Variants in SNX29 observed in about 807,000 individuals in gnomAD.
The protein encoded by SNX29 is sorting nexin 29, also known as sorting nexin-29.
SNX29 carries 78 observed loss-of-function variants against 102.1 expected under a neutral mutation model. The ratio of observed to expected loss-of-function variants is 0.76; its 90% CI spans 0.64 to 0.92. The LOEUF (loss-of-function observed/expected upper bound fraction) is 0.92. Among genes scored for constraint, SNX29 ranks in the 40% least tolerant of loss-of-function variants. The pLI is 0.00. For synonymous variants in SNX29, 580 were observed against 414.5 expected (o/e 1.40, Z -4.85); for missense variants, 1,280 against 1,061.7 (o/e 1.21, Z -2.86).
chr16:12,198,044 T>C (rs890376070), intron 13 of SNX29, among the ~76,000 whole-genome samples: 6 of 152,254 alleles, frequency 3.9e-5, no homozygotes, highest in South Asian at 2.1e-4. Flanking sequence ...CATCCGTAAA[T>C]AGACTGAGTG....
At chr16:12,307,846 G>A (rs1355038626) in intron 15 of SNX29, among the ~76,000 whole-genome samples, 2 of 152,214 alleles carry the variant, frequency 1.3e-5, no homozygotes, top group South Asian at 2.1e-4. Flanking sequence ...TCCTCTCATG[G>A]TGACGTTCAC....
chr16:12,539,824 A>G (rs546424713), intron 20 of SNX29, among the ~76,000 whole-genome samples: 11 of 152,350 alleles, frequency 7.2e-5, no homozygotes, highest in African/African-American at 2.6e-4. Flanking sequence ...TTCCTTTAAC[A>G]CATCCTCTTT....
At chr16:12,533,158 C>A (rs748686221) in intron 20 of SNX29, among the ~76,000 whole-genome samples, 1 of 152,246 alleles carries the variant, frequency 6.6e-6, no homozygotes, top group African/African-American at 2.4e-5. Context: ...CAGGCAGGGC[C>A]TCTCTCTGAA....
rs2079189878 is a variant in SNX29 at position 12,571,640 on chromosome 16, T to G, written c.*3011T>G. On this transcript the variant is annotated 3_prime_UTR_variant, in exon 21 of 21. Coordinates refer to ENST00000566228, the MANE Select transcript of SNX29 (RefSeq NM_032167.5). Reference sequence around the variant, plus strand: ...TTCACATCTTTTTTTCTCCCCCAGATGAAAGACGACTCAGGAACGGTAGGG... The same window carrying G: ...TTCACATCTTTTTTTCTCCCCCAGAGGAAAGACGACTCAGGAACGGTAGGG... 1 of 1,058,782 alleles carries G rather than the reference T, an allele frequency of 9.4e-7. No homozygotes were observed. Among genetic ancestry groups the G allele is most frequent in the African/African-American group, 1.6e-5 (1 of 60,632 alleles). The allele number at this position is 1,058,782 out of a possible 1,614,324, so 65.6% of individuals were successfully genotyped here. A position where few individuals can be genotyped will look rare whatever the true frequency, so the allele number is the denominator to read the frequency against.
chr16:12,130,094 A>G (rs556406091), intron 13 of SNX29, among the ~76,000 whole-genome samples: 7 of 150,984 alleles, frequency 4.6e-5, no homozygotes, highest in African/African-American at 1.7e-4. Flanking sequence ...ACAGAGCAAG[A>G]CTCTGTCTCA....
chr16:12,043,175 A>T, intron 5 of SNX29, 98 bp downstream of exon 5: 1 of 1,479,986 alleles, frequency 6.8e-7, no homozygotes, highest in Non-Finnish European at 9.1e-7. Context: ...TAGTTCCCCG[A>T]TCTGGGGGAA....
chr16:12,321,040 T>G (rs2080913967), intron 15 of SNX29, among the ~76,000 whole-genome samples: 1 of 152,128 alleles, frequency 6.6e-6, no homozygotes, highest in Non-Finnish European at 1.5e-5. Context: ...ATCCTCACCC[T>G]CCTCATCTAG....
At chr16:12,373,302 C>G (rs1028574127) in intron 16 of SNX29, among the ~76,000 whole-genome samples, 1 of 152,038 alleles carries the variant, frequency 6.6e-6, no homozygotes, top group African/African-American at 2.4e-5. Flanking sequence ...TTGGCTAACT[C>G]AAATTTTTAT....
intron 13 of SNX29, among the ~76,000 whole-genome samples, chr16:12,154,648 CAA>C (rs1310728416): frequency 6.6e-6 from 1 of 152,172 alleles, no homozygotes; most frequent in Non-Finnish European, 1.5e-5. Flanking sequence ...TATAACAAAA[CAA>C]AAAGTACCAG....
chr16:12,060,814 C>T, intron 8 of SNX29: 1 of 456,310 alleles, frequency 2.2e-6, no homozygotes, highest in Non-Finnish European at 4.4e-6. Flanking sequence ...TCGAAGATGG[C>T]ACGCATTAGA....
intron 18 of SNX29, among the ~76,000 whole-genome samples, chr16:12,449,559 AC>A (rs1036298395): frequency 9.2e-5 from 14 of 152,150 alleles, no homozygotes; most frequent in African/African-American, 3.1e-4. Context: ...TCTTGGGGTA[AC>A]CTGGCTGCAG....
intron 19 of SNX29, among the ~76,000 whole-genome samples, chr16:12,498,695 A>G (rs2088953445): frequency 2.0e-5 from 3 of 152,246 alleles, no homozygotes; most frequent in South Asian, 2.1e-4. Flanking sequence ...TAATCTCTGA[A>G]TAGCATAAAA....
chr16:12,350,295 C>T (rs752904358), intron 15 of SNX29, among the ~76,000 whole-genome samples: 10 of 152,158 alleles, frequency 6.6e-5, no homozygotes, highest in Non-Finnish European at 1.3e-4. Context: ...TTTTCCTTCT[C>T]TTTATTCCCT....
chr16:12,151,568 G>T (rs1011067366), intron 13 of SNX29, among the ~76,000 whole-genome samples: 1 of 152,080 alleles, frequency 6.6e-6, no homozygotes, highest in African/African-American at 2.4e-5. Flanking sequence ...TGTTTGTTCT[G>T]CCCGGGACTC....
intron 13 of SNX29, among the ~76,000 whole-genome samples, chr16:12,163,735 G>C (rs1366278941): frequency 6.6e-6 from 1 of 152,150 alleles, no homozygotes; most frequent in African/African-American, 2.4e-5. Flanking sequence ...GTTCAGCCAG[G>C]GCTGAGGACT....
intron 1 of SNX29, among the ~76,000 whole-genome samples, chr16:11,983,185 C>A (rs2055464378): frequency 6.6e-6 from 1 of 151,844 alleles, no homozygotes; most frequent in Non-Finnish European, 1.5e-5. Context: ...CCTGCCTTGG[C>A]CTCCCAAAGT....
At chr16:12,067,797 T>C (rs113604147) in intron 9 of SNX29, among the ~76,000 whole-genome samples, 1,848 of 152,284 alleles carry the variant, frequency 0.012, 20 homozygotes, top group South Asian at 0.055. Context: ...CCAAGAAGTT[T>C]CTTGAGTGAG....
At chr16:12,146,843 C>T (rs2141552634) in intron 13 of SNX29, among the ~76,000 whole-genome samples, 1 of 152,230 alleles carries the variant, frequency 6.6e-6, no homozygotes, top group South Asian at 2.1e-4. Context: ...CAAACATGAC[C>T]AACAGTGGAA....
chr16:12,106,519 G>C (rs577310826), intron 11 of SNX29, among the ~76,000 whole-genome samples: 4 of 152,058 alleles, frequency 2.6e-5, no homozygotes, highest in Admixed American at 2.6e-4. Flanking sequence ...AGTCACCCAG[G>C]CTGCAGCGCA....
Sources: allele counts gnomAD v4.1 joint callset (sites outside exome capture counted in the v4.1 genomes callset), GRCh38; gene constraint gnomAD v4.1.1; transcripts MANE v1.5; gene names NCBI Gene and HGNC (gene_info 2026-07-23, HGNC 2026-07-21).